SIRT1: variants seen among roughly 807,000 people sequenced by gnomAD.
SIRT1 encodes NAD-dependent protein deacetylase sirtuin-1.
In SIRT1, 24 loss-of-function variants were observed where a neutral mutation model predicts 67.9. The ratio of observed to expected loss-of-function variants is 0.35; its 90% CI spans 0.26 to 0.50. The LOEUF is 0.50. SIRT1 is among the 20% of genes least tolerant of loss of function. The pLI is 0.98. For missense variants in SIRT1, 873 were observed against 937.2 expected (o/e 0.93, Z 0.89); for synonymous variants, 378 against 350.7 (o/e 1.08, Z -0.87).
At chr10:67,908,228 A>C in intron 6 of SIRT1, 103 bp downstream of exon 6, 1 of 859,360 alleles carries the variant, frequency 1.2e-6, no homozygotes, top group Non-Finnish European at 1.8e-6. Flanking sequence ...ATGGTACAGA[A>C]AGATTCAGGA....
intron 8 of SIRT1, among the ~76,000 whole-genome samples, chr10:67,913,503 G>A (rs184509432): frequency 5.5e-4 from 83 of 152,274 alleles, no homozygotes; most frequent in African/African-American, 1.8e-3. Context: ...ACTACTATGC[G>A]GTGTTGTCTC....
At chr10:67,889,975 C>CTTT (rs35424302) in intron 3 of SIRT1, among the ~76,000 whole-genome samples, 2 of 147,362 alleles carry the variant, frequency 1.4e-5, no homozygotes, top group Non-Finnish European at 1.5e-5. Context: ...TATTATACAC[C>CTTT]TTTTTTTTTT....
chr10:67,906,332 T>G, intron 4 of SIRT1: 1 of 1,526,404 alleles, frequency 6.6e-7, no homozygotes, highest in East Asian at 2.4e-5. Flanking sequence ...AGGTTGATAT[T>G]CTAATGAATG....
intron 4 of SIRT1, among the ~76,000 whole-genome samples, chr10:67,899,959 CT>C (rs906000308): frequency 2.4e-4 from 37 of 151,972 alleles, no homozygotes; most frequent in African/African-American, 8.5e-4. Flanking sequence ...TGGCAAGCGC[CT>C]GTAGTCCCAG....
At chr10:67,889,238 G>C in intron 3 of SIRT1, 115 bp downstream of exon 3, 3 of 1,215,924 alleles carry the variant, frequency 2.5e-6, no homozygotes, top group Non-Finnish European at 3.4e-6. Context: ...TGGATGTTTG[G>C]GAACTGCCAA....
chr10:67,901,502 T>C (rs772599990), intron 4 of SIRT1, among the ~76,000 whole-genome samples: 7 of 152,210 alleles, frequency 4.6e-5, no homozygotes, highest in Non-Finnish European at 8.8e-5. Context: ...AGGTAGGGCC[T>C]GGTAGTAAAT....
chr10:67,916,234 TGAAA>T, intron 8 of SIRT1, 27 bp from the exon 9 acceptor site: 1 of 1,567,680 alleles, frequency 6.4e-7, no homozygotes, highest in Non-Finnish European at 8.7e-7. Flanking sequence ...GTTAGAAAAC[TGAAA>T]GTAACATTTT....
chr10:67,896,802 C>T (rs972115016), intron 4 of SIRT1, among the ~76,000 whole-genome samples: 3 of 150,496 alleles, frequency 2.0e-5, no homozygotes, highest in African/African-American at 7.3e-5. Flanking sequence ...CTGGTCTCCA[C>T]CTACGTTTGT....
At chr10:67,915,293 C>T (rs10823115) in intron 8 of SIRT1, among the ~76,000 whole-genome samples, 71,259 of 151,960 alleles carry the variant, frequency 0.47, 20,735 homozygotes, top group Non-Finnish European at 0.66. Context: ...ATAAATACTA[C>T]ATCTATTATG....
At chr10:67,906,760 T>G (rs1842826180) in intron 4 of SIRT1, 30 bp from the exon 5 acceptor site, 1 of 1,600,586 alleles carries the variant, frequency 6.2e-7, no homozygotes, top group South Asian at 1.1e-5. Context: ...TTCACTAATG[T>G]AAATTTTTTC....
At chr10:67,887,356 G>T in intron 1 of SIRT1, 61 bp from the exon 2 acceptor site, 1 of 1,031,384 alleles carries the variant, frequency 9.7e-7, no homozygotes, top group South Asian at 1.3e-5. Flanking sequence ...CTCTATAACC[G>T]TTCATACATT....
Position 67,888,541 on chromosome 10 carries a change from C to T in SIRT1, c.548-341C>T, listed in dbSNP as rs181619512. Among the ~76,000 whole-genome samples the T allele has an allele frequency of 1.0e-3, 153 of 152,152 alleles. 1 individual carries two copies. The highest frequency in any genetic ancestry group is 3.3e-3 in the South Asian group (16 of 4,820). ...GTAGTACAGGCTTTTAGGACTGGTA[C>T]GATTTTTCTATGTCGTAGAACCCTT... On this transcript the variant is annotated intron_variant, in intron 2 of 8. Coordinates refer to ENST00000212015, the MANE Select transcript of SIRT1 (RefSeq NM_012238.5).
intron 8 of SIRT1, among the ~76,000 whole-genome samples, chr10:67,913,867 T>C (rs1342279277): frequency 6.6e-6 from 1 of 152,184 alleles, no homozygotes; most frequent in Admixed American, 6.5e-5. Context: ...TTGCTGTAAA[T>C]ACATTTTAGT....
intron 6 of SIRT1, 77 bp downstream of exon 6, chr10:67,908,202 C>G (rs907635127): frequency 1.6e-6 from 2 of 1,248,968 alleles, no homozygotes; most frequent in Non-Finnish European, 2.3e-6. Context: ...TCCTTTTTTA[C>G]CCCTTTAAAG....
intron 4 of SIRT1, among the ~76,000 whole-genome samples, chr10:67,903,706 A>G (rs192818170): frequency 9.2e-5 from 14 of 152,198 alleles, no homozygotes; most frequent in African/African-American, 2.4e-4. Flanking sequence ...GGATAGTTCT[A>G]AGCTTTAGTT....
At chr10:67,903,355 A>G (rs1842771766) in intron 4 of SIRT1, among the ~76,000 whole-genome samples, 1 of 151,248 alleles carries the variant, frequency 6.6e-6, no homozygotes, top group African/African-American at 2.4e-5. Context: ...GAAAGGCATA[A>G]TCTCTGCAGA....
intron 4 of SIRT1, among the ~76,000 whole-genome samples, chr10:67,904,103 C>T (rs1398131904): frequency 1.4e-5 from 2 of 146,978 alleles, no homozygotes; most frequent in Non-Finnish European, 3.0e-5. Context: ...TTCATTATTT[C>T]AGATTTTTTA....
chr10:67,897,689 G>A (rs1380080685), intron 4 of SIRT1, among the ~76,000 whole-genome samples: 2 of 151,702 alleles, frequency 1.3e-5, no homozygotes, highest in African/African-American at 4.8e-5. Flanking sequence ...GTAGAGATGG[G>A]GTTTCATCAT....
intron 1 of SIRT1, 41 bp downstream of exon 1, chr10:67,885,192 T>C: frequency 5.4e-6 from 7 of 1,305,546 alleles, no homozygotes; most frequent in African/African-American, 1.5e-5. Context: ...CATCTCCTCC[T>C]CCCTCTCCCC....
Sources: allele counts gnomAD v4.1 joint callset (sites outside exome capture counted in the v4.1 genomes callset), GRCh38; gene constraint gnomAD v4.1.1; transcripts MANE v1.5; gene names NCBI Gene and HGNC (gene_info 2026-07-23, HGNC 2026-07-21).